CNTN5: variants seen among roughly 807,000 people sequenced by gnomAD.
CNTN5 encodes contactin 5.
In CNTN5, 77 loss-of-function variants were observed where a neutral mutation model predicts 129.1. The ratio of observed to expected loss-of-function variants is 0.60; its 90% CI spans 0.50 to 0.72. The LOEUF (loss-of-function observed/expected upper bound fraction) is 0.72. CNTN5 is among the 30% of genes least tolerant of loss of function. The pLI is 0.00. For missense variants in CNTN5, 1,478 were observed against 1,328.8 expected (o/e 1.11, Z -1.75); for synonymous variants, 509 against 465.6 (o/e 1.09, Z -1.20).
At chr11:99,601,250 T>C (rs1326950968) in intron 3 of CNTN5, among the ~76,000 whole-genome samples, 2 of 152,242 alleles carry the variant, frequency 1.3e-5, no homozygotes, top group African/African-American at 4.8e-5. Context: ...TCTTACATTT[T>C]CTACTTTATA....
chr11:99,136,129 T>C (rs1859206142), intron 1 of CNTN5, among the ~76,000 whole-genome samples: 1 of 152,158 alleles, frequency 6.6e-6, no homozygotes, highest in African/African-American at 2.4e-5. Flanking sequence ...GGTATTCTAA[T>C]TATACTCTTA....
At chr11:99,197,663 C>G (rs1858971693) in intron 1 of CNTN5, among the ~76,000 whole-genome samples, 1 of 152,006 alleles carries the variant, frequency 6.6e-6, no homozygotes, top group Non-Finnish European at 1.5e-5. Flanking sequence ...CCCTGACTTC[C>G]TTGCCTTTTC....
intron 3 of CNTN5, among the ~76,000 whole-genome samples, chr11:99,697,671 A>G (rs1181935374): frequency 6.6e-6 from 1 of 151,760 alleles, no homozygotes; most frequent in Non-Finnish European, 1.5e-5. Context: ...TAAAGTATGA[A>G]CTTTAATGAA....
At chr11:99,192,520 A>G (rs1020395645) in intron 1 of CNTN5, among the ~76,000 whole-genome samples, 2 of 151,966 alleles carry the variant, frequency 1.3e-5, no homozygotes, top group African/African-American at 4.8e-5. Context: ...TAAATGTATA[A>G]AAATATATTT....
chr11:100,305,155 T>G (rs1038038836), intron 20 of CNTN5, among the ~76,000 whole-genome samples: 7 of 151,504 alleles, frequency 4.6e-5, no homozygotes, highest in Admixed American at 3.3e-4. Context: ...GAAAGAGCAT[T>G]TGAGACCCAA....
intron 3 of CNTN5, among the ~76,000 whole-genome samples, chr11:99,644,195 T>C (rs950881799): frequency 4.6e-5 from 7 of 150,540 alleles, no homozygotes; most frequent in African/African-American, 9.8e-5. Flanking sequence ...ATTTGACCCA[T>C]GTCTTGGAGA....
chr11:99,212,959 AGGTGGGT>A (rs1859882477), intron 1 of CNTN5, among the ~76,000 whole-genome samples: 1 of 151,934 alleles, frequency 6.6e-6, no homozygotes, highest in South Asian at 2.1e-4. Flanking sequence ...TGGGAGGCCG[AGGTGGGT>A]GGATCACGAA....
At chr11:99,128,875 C>T (rs1273182067) in intron 1 of CNTN5, among the ~76,000 whole-genome samples, 3 of 152,058 alleles carry the variant, frequency 2.0e-5, no homozygotes, top group Non-Finnish European at 4.4e-5. Context: ...AGAGGAGGAC[C>T]GTGACTGTTA....
intron 2 of CNTN5, among the ~76,000 whole-genome samples, chr11:99,456,321 G>T (rs1397870491): frequency 1.3e-5 from 2 of 151,986 alleles, no homozygotes; most frequent in Admixed American, 1.3e-4. Flanking sequence ...TCTTTAGGTG[G>T]TTCACCCTGA....
At chr11:99,372,758 A>G (rs1939901218) in intron 2 of CNTN5, among the ~76,000 whole-genome samples, 1 of 152,234 alleles carries the variant, frequency 6.6e-6, no homozygotes. Flanking sequence ...AGATTTACCT[A>G]CAAAATCCTC....
intron 7 of CNTN5, among the ~76,000 whole-genome samples, chr11:99,931,496 G>T (rs1197208699): frequency 6.6e-6 from 1 of 152,148 alleles, no homozygotes; most frequent in Non-Finnish European, 1.5e-5. Context: ...AATTATTTTT[G>T]ATTGTTTAAT....
intron 20 of CNTN5, among the ~76,000 whole-genome samples, chr11:100,302,654 T>C (rs1403977183): frequency 6.6e-6 from 1 of 151,520 alleles, no homozygotes; most frequent in African/African-American, 2.4e-5. Flanking sequence ...CCAGAATTTA[T>C]GTTATTGGGA....
intron 9 of CNTN5, among the ~76,000 whole-genome samples, chr11:100,048,393 C>G (rs1410439894): frequency 6.6e-6 from 1 of 152,050 alleles, no homozygotes; most frequent in Non-Finnish European, 1.5e-5. Flanking sequence ...TGTGGGACTT[C>G]TCAACCTCTA....
At chr11:99,394,797 C>G (rs7927602) in intron 2 of CNTN5, among the ~76,000 whole-genome samples, 1 of 151,650 alleles carries the variant, frequency 6.6e-6, no homozygotes, top group African/African-American at 2.4e-5. Context: ...ATGTGGTATT[C>G]GGTTTTCTGT....
chr11:99,768,950 CA>C (rs1441583664), intron 3 of CNTN5, among the ~76,000 whole-genome samples: 2 of 152,070 alleles, frequency 1.3e-5, no homozygotes, highest in African/African-American at 4.8e-5. Context: ...CTATAGAACA[CA>C]AAATAAAAAC....
intron 18 of CNTN5, among the ~76,000 whole-genome samples, chr11:100,289,376 C>A (rs375066614): frequency 6.6e-5 from 10 of 151,806 alleles, no homozygotes; most frequent in Admixed American, 3.3e-4. Flanking sequence ...TACTGGCAAA[C>A]CGAATCCAGC....
At chr11:100,149,584 C>T (rs1231183350) in intron 13 of CNTN5, among the ~76,000 whole-genome samples, 2 of 152,060 alleles carry the variant, frequency 1.3e-5, no homozygotes, top group Non-Finnish European at 2.9e-5. Context: ...AATGTCATGG[C>T]ACAAATGATA....
chr11:99,360,085 C>T lies in CNTN5; in HGVS notation c.-71+34601C>T, dbSNP rs186184841. 3.0e-4 allele frequency among the ~76,000 whole-genome samples: 46 copies of T among 152,110 alleles called. 2 individuals carry two copies. The highest frequency in any genetic ancestry group is 2.9e-3 in the Admixed American group (45 of 15,276). ...AAAAAATAGACAATTAAAAAGAAAA[C>T]CTACAGGGCAAACAACATTAAACCG... On this transcript the variant is annotated intron_variant, in intron 2 of 24. Coordinates refer to ENST00000524871, the MANE Select transcript of CNTN5 (RefSeq NM_014361.4).
intron 16 of CNTN5, among the ~76,000 whole-genome samples, chr11:100,254,299 C>T (rs572761170): frequency 4.0e-4 from 61 of 152,212 alleles, no homozygotes; most frequent in Admixed American, 1.9e-3. Flanking sequence ...TCTAATTTCC[C>T]GCAATCACCC....
Sources: allele counts gnomAD v4.1 joint callset (sites outside exome capture counted in the v4.1 genomes callset), GRCh38; gene constraint gnomAD v4.1.1; transcripts MANE v1.5; gene names NCBI Gene and HGNC (gene_info 2026-07-23, HGNC 2026-07-21).